Variants in CPAP observed in about 807,000 individuals in gnomAD.
CPAP encodes the protein centrosomal P4.1-associated protein.
chr13:24,911,747 A>T, the CPAP span, among the ~76,000 whole-genome samples: 1 of 151,532 alleles, frequency 6.6e-6, no homozygotes, highest in Admixed American at 6.6e-5. Context: ...GCCTTAAAGC[A>T]GGGCATGCGC....
the CPAP span, among the ~76,000 whole-genome samples, chr13:24,923,055 G>A: frequency 6.6e-6 from 1 of 152,368 alleles, no homozygotes. Context: ...GGGCGGCGTG[G>A]CGGGGCGGAA....
chr13:24,917,619 T>C, the CPAP span, among the ~76,000 whole-genome samples: 1 of 152,196 alleles, frequency 6.6e-6, no homozygotes, highest in Non-Finnish European at 1.5e-5. Flanking sequence ...TATAACACTG[T>C]TATGTGTCTA....
At chr13:24,883,166 CAT>C in the CPAP span, 3 of 1,611,398 alleles carry the variant, frequency 1.9e-6, no homozygotes, top group Non-Finnish European at 8.5e-7. Context: ...TTCATGATCA[CAT>C]GAGGATCGTC....
the CPAP span, among the ~76,000 whole-genome samples, chr13:24,917,183 A>G: frequency 6.6e-6 from 1 of 152,238 alleles, no homozygotes; most frequent in East Asian, 1.9e-4. Context: ...CCTGGGAGGC[A>G]GCAGATCTTG....
the CPAP span, among the ~76,000 whole-genome samples, chr13:24,927,828 C>G: frequency 0.011 from 1,640 of 152,324 alleles, 37 homozygotes; most frequent in African/African-American, 0.036. Flanking sequence ...TTATATGCCT[C>G]TGTCAAAAAG....
chr13:24,892,872 C>CAAAAAAAAAAAAAA, the CPAP span: 2 of 1,227,212 alleles, frequency 1.6e-6, no homozygotes, highest in Admixed American at 2.2e-5. Flanking sequence ...TAAAGTCTCT[C>CAAAAAAAAAAAAAA]AAAAAAAAAA....
chr13:24,891,088 A>T, the CPAP span, among the ~76,000 whole-genome samples: 2 of 151,856 alleles, frequency 1.3e-5, no homozygotes. Flanking sequence ...CTCCAGAGAA[A>T]CAGTCCTTCT....
chr13:24,923,350 A>G, the CPAP span, among the ~76,000 whole-genome samples: 9 of 152,100 alleles, frequency 5.9e-5, no homozygotes, highest in East Asian at 1.5e-3. Flanking sequence ...GTAAAGGAGA[A>G]AAAGGGCAGT....
the CPAP span, among the ~76,000 whole-genome samples, chr13:24,913,369 T>C: frequency 1.3e-5 from 2 of 151,802 alleles, no homozygotes; most frequent in Non-Finnish European, 2.9e-5. Context: ...CAATGGAAGA[T>C]AAAATACCTT....
At chr13:24,902,994 T>C in the CPAP span, among the ~76,000 whole-genome samples, 2 of 152,182 alleles carry the variant, frequency 1.3e-5, no homozygotes, top group African/African-American at 4.8e-5. Flanking sequence ...GAGCAACACC[T>C]GGAATAAAAA....
the CPAP span, chr13:24,905,641 C>A: frequency 6.2e-7 from 1 of 1,614,178 alleles, no homozygotes; most frequent in South Asian, 1.1e-5. Context: ...CAAGGTCAGT[C>A]CAAGTTCTTT....
At chr13:24,889,805 C>G in the CPAP span, among the ~76,000 whole-genome samples, 2 of 152,018 alleles carry the variant, frequency 1.3e-5, no homozygotes, top group African/African-American at 4.8e-5. Flanking sequence ...CCACTGAGCA[C>G]TCCCCATGAG....
At chr13:24,898,729 A>C in the CPAP span, among the ~76,000 whole-genome samples, 1 of 152,258 alleles carries the variant, frequency 6.6e-6, no homozygotes, top group Non-Finnish European at 1.5e-5. Context: ...AGACAGGAAG[A>C]AAGCAAAGGA....
At chr13:24,904,084 A>G in the CPAP span, 10 of 1,612,884 alleles carry the variant, frequency 6.2e-6, no homozygotes, top group African/African-American at 1.3e-4. Flanking sequence ...TAAATACTGA[A>G]CTTCAAAAAA....
the CPAP span, among the ~76,000 whole-genome samples, chr13:24,916,455 G>A: frequency 1.1e-4 from 16 of 152,144 alleles, no homozygotes; most frequent in African/African-American, 2.9e-4. Context: ...TAAAACATGC[G>A]CATTCTCACT....
At chr13:24,913,057 A>G in the CPAP span, 6 of 1,585,066 alleles carry the variant, frequency 3.8e-6, no homozygotes, top group Non-Finnish European at 4.3e-6. Context: ...TATTTAAACA[A>G]TGCAAAGGCT....
At chr13:24,912,990 A>C in the CPAP span, 1 of 1,614,156 alleles carries the variant, frequency 6.2e-7, no homozygotes, top group Admixed American at 1.7e-5. Flanking sequence ...AGTTCTGCCC[A>C]CTGTTTAACT....
At chr13:24,894,101 C>A in the CPAP span, among the ~76,000 whole-genome samples, 2 of 152,042 alleles carry the variant, frequency 1.3e-5, no homozygotes, top group Non-Finnish European at 2.9e-5. Flanking sequence ...TACAAGGGAC[C>A]AGCGCAGATG....
At chr13:24,887,307 T>A in the CPAP span, among the ~76,000 whole-genome samples, 17,472 of 152,198 alleles carry the variant, frequency 0.11, 1,126 homozygotes, top group Middle Eastern at 0.16. Flanking sequence ...AACCCCACGG[T>A]ATACTGGTCT....
Sources: gnomAD v4.1 joint callset for allele counts (sites outside exome capture counted in the v4.1 genomes callset) on GRCh38, gnomAD v4.1.1 for gene constraint, MANE v1.5 for transcripts, NCBI Gene and HGNC (gene_info 2026-07-23, HGNC 2026-07-21) for gene names.